The following HFM1 variants were observed in gnomAD, a reference collection of about 807,000 sequenced individuals.
HFM1 encodes the protein helicase for meiosis 1, also known as probable ATP-dependent DNA helicase HFM1.
In HFM1, 169 loss-of-function variants were observed where a neutral mutation model predicts 192.1. That is an observed-to-expected ratio of 0.88 (90% CI 0.78 to 1.00). The LOEUF (loss-of-function observed/expected upper bound fraction) is 1.00. HFM1 is among the 50% of genes least tolerant of loss of function. HFM1 has a pLI of 0.00. For synonymous variants in HFM1, 525 were observed against 537.8 expected (o/e 0.98, Z 0.33); for missense variants, 1,661 against 1,668.0 (o/e 1.00, Z 0.07).
intron 20 of HFM1, chr1:91,329,641 C>T (rs1310990330): frequency 4.4e-6 from 3 of 677,186 alleles, no homozygotes; most frequent in Non-Finnish European, 7.5e-6. Flanking sequence ...TCTAGCGTGA[C>T]CCTTTTCAGT....
At chr1:91,395,227 C>T (rs1405749357) in intron 3 of HFM1, among the ~76,000 whole-genome samples, 1 of 151,932 alleles carries the variant, frequency 6.6e-6, no homozygotes, top group East Asian at 1.9e-4. Context: ...CTCAATATTT[C>T]TGGGATCTGG....
At chr1:91,396,172 G>T in intron 3 of HFM1, 121 bp downstream of exon 3, 1 of 479,344 alleles carries the variant, frequency 2.1e-6, no homozygotes, top group Non-Finnish European at 3.8e-6. Context: ...ATATTTTGGG[G>T]GCATATGCAT....
chr1:91,261,396 TTA>T, intron 38 of HFM1, 37 bp from the exon 39 acceptor site: 2 of 933,692 alleles, frequency 2.1e-6, no homozygotes, highest in Non-Finnish European at 3.0e-6. Context: ...TAACTATTTT[TTA>T]ACACAATTTA....
intron 30 of HFM1, among the ~76,000 whole-genome samples, chr1:91,298,748 T>C (rs1648137413): frequency 6.6e-6 from 1 of 152,194 alleles, no homozygotes; most frequent in African/African-American, 2.4e-5. Flanking sequence ...GAGAGATTTT[T>C]GTCACCACCA....
At chr1:91,314,437 T>C (rs1010088206) in intron 28 of HFM1, among the ~76,000 whole-genome samples, 5 of 152,080 alleles carry the variant, frequency 3.3e-5, no homozygotes, top group Admixed American at 2.0e-4. Context: ...TTATTTATTT[T>C]TGTAGAAATA....
At chr1:91,285,505 A>C (rs1357925879) in intron 30 of HFM1, among the ~76,000 whole-genome samples, 1 of 152,218 alleles carries the variant, frequency 6.6e-6, no homozygotes, top group Non-Finnish European at 1.5e-5. Flanking sequence ...TCACAGCCTT[A>C]GTAGGGTAAT....
At chr1:91,392,514 C>A (rs911723489) in intron 4 of HFM1, among the ~76,000 whole-genome samples, 1 of 152,098 alleles carries the variant, frequency 6.6e-6, no homozygotes, top group African/African-American at 2.4e-5. Flanking sequence ...CCAAACACCA[C>A]GTGTTCTCAC....
chr1:91,318,381 C>T (rs376198164), intron 25 of HFM1, among the ~76,000 whole-genome samples: 9 of 152,098 alleles, frequency 5.9e-5, no homozygotes, highest in East Asian at 5.8e-4. Flanking sequence ...TTTGTTGATA[C>T]CCCCAAGATG....
chr1:91,349,920 G>C (rs1656705305), intron 18 of HFM1, among the ~76,000 whole-genome samples: 1 of 152,036 alleles, frequency 6.6e-6, no homozygotes, highest in African/African-American at 2.4e-5. Context: ...TTATATGCAA[G>C]AATTATACAA....
chr1:91,358,323 C>A (rs934972963), intron 13 of HFM1, among the ~76,000 whole-genome samples: 16 of 151,870 alleles, frequency 1.1e-4, no homozygotes, highest in African/African-American at 2.7e-4. Context: ...TATGGAACCA[C>A]AATAAACCCT....
At chr1:91,324,545 A>G (rs1189355850) in intron 21 of HFM1, 130 bp downstream of exon 21, 2 of 599,220 alleles carry the variant, frequency 3.3e-6, no homozygotes, top group Non-Finnish European at 6.0e-6. Context: ...ACCAGAGGAT[A>G]TATCTTAGAA....
At chr1:91,291,721 A>G (rs1399685144) in intron 30 of HFM1, among the ~76,000 whole-genome samples, 1 of 151,994 alleles carries the variant, frequency 6.6e-6, no homozygotes, top group Non-Finnish European at 1.5e-5. Context: ...CATCATCCTG[A>G]TACCAAAGAC....
chr1:91,294,311 A>T (rs972164497), intron 30 of HFM1, among the ~76,000 whole-genome samples: 1 of 152,176 alleles, frequency 6.6e-6, no homozygotes, highest in Non-Finnish European at 1.5e-5. Flanking sequence ...GTTTTTGTGA[A>T]ACACAATTCA....
chr1:91,353,652 C>CCA (rs1553213573), intron 13 of HFM1, among the ~76,000 whole-genome samples: 4,135 of 65,228 alleles, frequency 0.063, 200 homozygotes, highest in South Asian at 0.084. Context: ...AGTAAATAAG[C>CCA]AAAAAAAAAA....
intron 30 of HFM1, among the ~76,000 whole-genome samples, chr1:91,312,077 G>C (rs1254363625): frequency 2.0e-5 from 3 of 152,144 alleles, no homozygotes; most frequent in Non-Finnish European, 4.4e-5. Flanking sequence ...TTCAGAAGAT[G>C]TATGGAAATG....
At chr1:91,355,459 C>T (rs282059) in intron 13 of HFM1, among the ~76,000 whole-genome samples, 151,633 of 151,816 alleles carry the variant, frequency 1, 75,725 homozygotes, top group Non-Finnish European at 1. Context: ...GATCCAACTA[C>T]ATGCTGCCTA....
Position 91,390,186 on chromosome 1 carries a change from TC to T in HFM1, c.494+3906del, listed in dbSNP as rs541566030. 2.5e-4 allele frequency among the ~76,000 whole-genome samples: 38 copies of T among 152,160 alleles called. No individual in the cohort carries two copies. The South Asian group carries it at 5.2e-3, about 21-fold the overall frequency. On this transcript the variant is annotated intron_variant, in intron 4 of 38. Transcript: ENST00000370425. ...CAGGCATGGTAGCTTACGCCTGTAA[TC>T]CCAATACTGGGAGGCCGAGGCAGAC...
intron 21 of HFM1, 103 bp downstream of exon 21, chr1:91,324,572 T>C (rs1652601975): frequency 4.7e-6 from 3 of 634,610 alleles, no homozygotes; most frequent in African/African-American, 1.9e-5. Context: ...TCTTTTCTGC[T>C]CATTCATTCT....
chr1:91,329,037 G>T, intron 20 of HFM1: 1 of 1,611,456 alleles, frequency 6.2e-7, no homozygotes, highest in Non-Finnish European at 8.5e-7. Flanking sequence ...CTAGAACCAG[G>T]AACAGTTTGT....
Sources: allele counts gnomAD v4.1 joint callset (sites outside exome capture counted in the v4.1 genomes callset), GRCh38; gene constraint gnomAD v4.1.1; transcripts MANE v1.5; gene names NCBI Gene and HGNC (gene_info 2026-07-23, HGNC 2026-07-21).